Variants in KNDC1 observed in about 807,000 individuals in gnomAD.
KNDC1 encodes kinase non-catalytic C-lobe domain containing 1, also known as kinase non-catalytic C-lobe domain-containing protein 1.
A neutral mutation model predicts 172.8 loss-of-function variants in KNDC1; 106 were observed. The ratio of observed to expected loss-of-function variants is 0.61; its 90% CI spans 0.52 to 0.72. KNDC1 has a LOEUF of 0.72. Among genes scored for constraint, KNDC1 ranks in the 30% least tolerant of loss-of-function variants. KNDC1 has a pLI of 0.00. For synonymous variants in KNDC1, 1,083 were observed against 1,062.2 expected (o/e 1.02, Z -0.38); for missense variants, 2,325 against 2,394.5 (o/e 0.97, Z 0.61).
In KNDC1 at chr10:133,198,976, A is replaced by G; in HGVS notation, c.2468A>G (p.His823Arg). 6.5e-7 allele frequency: 1 copy of G among 1,546,818 alleles called. No homozygotes were observed. ...PDALGPTTAHHGPRHPPKPPR... is the reference protein window; with the variant it reads ...PDALGPTTAHRGPRHPPKPPR... Reference sequence around the variant, plus strand: ...GCCCTGGGGCCCACCACGGCCCACCACGGCCCACGCCACCCGCCCAAGCCC... The same window carrying G: ...GCCCTGGGGCCCACCACGGCCCACCGCGGCCCACGCCACCCGCCCAAGCCC... Residue 823 changes from histidine (H) to arginine (R), a missense_variant, in exon 14 of 30, where the codon CAC becomes CGC. By Grantham distance (29) the His-to-Arg change is conservative (BLOSUM62 0). Coordinates refer to ENST00000304613, the MANE Select transcript of KNDC1 (RefSeq NM_152643.8).
chr10:133,176,665 C>T (rs962299736), intron 3 of KNDC1, among the ~76,000 whole-genome samples: 2 of 152,344 alleles, frequency 1.3e-5, no homozygotes, highest in South Asian at 4.1e-4. Context: ...GGAATCCTCC[C>T]TGACCCATAG....
rs1321390020 is a variant in KNDC1, at chr10:133,225,232, C to T, written c.*342C>T. ...ACACAGATAAGTGGCTCTTACCCAG[C>T]TCTCAGTGACTCCCCCACAAAACAG... On this transcript the variant is annotated 3_prime_UTR_variant, in exon 30 of 30. Transcript: ENST00000304613. The T allele has an allele frequency of 7.3e-6, 2 of 275,280 alleles. No homozygotes were observed. Among genetic ancestry groups the T allele is most frequent in the Non-Finnish European group, 1.4e-5 (2 of 142,408 alleles). 17.1% of individuals were successfully genotyped at this position (275,280 alleles called of 1,614,324 possible).
At chr10:133,213,939 C>T in intron 25 of KNDC1, 33 bp from the exon 26 acceptor site, 1 of 1,613,620 alleles carries the variant, frequency 6.2e-7, no homozygotes, top group Non-Finnish European at 8.5e-7. Flanking sequence ...TGCACAAGTC[C>T]TGGGGGTGAC....
In KNDC1 at chr10:133,224,597, T is replaced by G. The variant is rs1845682446; in HGVS notation, c.5019-62T>G. On this transcript the variant is annotated intron_variant, in intron 29 of 29. Transcript: ENST00000304613. This position sits in a 1 kb window ranked among gnomAD's most constrained non-coding sequence, Gnocchi z 5.4. ...TTCCTAAGAACGCGGGGGGACTCCC[T>G]CCCCACGGAAGCCGCGCCCCTGCCC... is the stretch of plus-strand genomic sequence containing the variant. 2 of 1,232,032 alleles carry G rather than the reference T, an allele frequency of 1.6e-6. No individual in the cohort carries two copies. Among genetic ancestry groups the G allele is most frequent in the Non-Finnish European group, 2.3e-6 (2 of 859,696 alleles). The allele number at this position is 1,232,032 out of a possible 1,614,324, so 76.3% of individuals were successfully genotyped here.
rs78839569 is a variant in KNDC1 at position 133,221,554 on chromosome 10, C to T, written c.5018+1442C>T. Among the ~76,000 whole-genome samples, 335 of 152,268 alleles carry T rather than the reference C, an allele frequency of 2.2e-3. 1 individual carries two copies. Among genetic ancestry groups the T allele is most frequent in the African/African-American group, 7.8e-3 (322 of 41,542 alleles). On this transcript the variant is annotated intron_variant, in intron 29 of 29. Transcript: ENST00000304613. ...CTCATCGCCTGCCGTTGTCCACACA[C>T]GGTCAGGTGGAGGCTGCCCAGGCCA...
chr10:133,206,804 G>T lies in KNDC1; in HGVS notation c.3481+26G>T, dbSNP rs113823430. On this transcript the variant is annotated intron_variant, in intron 18 of 29. Coordinates refer to ENST00000304613, the MANE Select transcript of KNDC1 (RefSeq NM_152643.8). ...GTAAGGCCCCTGTGGGCACAGGTCC[G>T]AGACCCTGGCTGCAGGCAGCCCGGC... The T allele has an allele frequency of 4.9e-4, 792 of 1,613,646 alleles. 3 individuals carry two copies. The African/African-American group carries it at 7.9e-3, about 16-fold the overall frequency.
At chr10:133,160,693 G>A in intron 1 of KNDC1, 124 bp downstream of exon 1, 2 of 545,242 alleles carry the variant, frequency 3.7e-6, no homozygotes, top group Non-Finnish European at 6.3e-6. Flanking sequence ...ATGGCCGAGG[G>A]GTTCCCACCG....
At chr10:133,179,868 C>T (rs1476957869) in intron 3 of KNDC1, among the ~76,000 whole-genome samples, 2 of 152,224 alleles carry the variant, frequency 1.3e-5, no homozygotes, top group South Asian at 2.1e-4. Flanking sequence ...GGCCTCCCTC[C>T]AGCCTGTTCC....
At position 133,185,215 on chromosome 10, in the gene KNDC1, GTAGGCAGTGTGTGCAGTGTGGAA is replaced by G. The variant is rs1564883402; in HGVS notation, c.626-739_626-717del. Among the ~76,000 whole-genome samples, 592 of 66,308 alleles carry G rather than the reference GTAGGCAGTGTGTGCAGTGTGGAA, an allele frequency of 8.9e-3. 11 individuals are homozygous for G. The highest frequency in any genetic ancestry group is 0.019 in the African/African-American group (546 of 29,456). 43.5% of individuals were successfully genotyped at this position (66,308 alleles called of 152,430 possible). A position where few individuals can be genotyped will look rare whatever the true frequency, so the allele number is the denominator to read the frequency against. ...GAGTAGGCAGTGTGTGCAGTGTGGA[GTAGGCAGTGTGTGCAGTGTGGAA>G]TAGGCAGTGTGTGCAGTGTAGAGTA... On this transcript the variant is annotated intron_variant, in intron 5 of 29. Transcript: ENST00000304613.
At chr10:133,172,501 G>A (rs1025384080) in intron 3 of KNDC1, among the ~76,000 whole-genome samples, 4 of 152,142 alleles carry the variant, frequency 2.6e-5, no homozygotes, top group Non-Finnish European at 5.9e-5. Flanking sequence ...TATTGGAGTG[G>A]ACTGGCGATT....
rs942921662 is a variant in KNDC1 at position 133,209,328 on chromosome 10, G to C, written c.3795-1283G>C. On this transcript the variant is annotated intron_variant, in intron 20 of 29. Transcript: ENST00000304613. The surrounding 1 kb of genome is among the most constrained non-coding windows in gnomAD (Gnocchi z 4.9). The stretch of plus-strand genomic sequence containing the variant: ...TGGGGTACAGTGTGTGTGTGCACGT[G>C]TGTGCTGTGCGGTGTGGGGTATAGT... 6.6e-6 allele frequency among the ~76,000 whole-genome samples: 1 copy of C among 151,492 alleles called. No homozygotes were observed. Among genetic ancestry groups the C allele is most frequent in the Non-Finnish European group, 1.5e-5 (1 of 67,848 alleles).
At chr10:133,181,301 C>G (rs1160502679) in intron 3 of KNDC1, among the ~76,000 whole-genome samples, 1 of 152,230 alleles carries the variant, frequency 6.6e-6, no homozygotes, top group Non-Finnish European at 1.5e-5. Context: ...TCACAGGTCC[C>G]CCAGGGAGGC....
intron 9 of KNDC1, among the ~76,000 whole-genome samples, chr10:133,194,859 C>T (rs1223809108): frequency 6.6e-6 from 1 of 152,230 alleles, no homozygotes; most frequent in East Asian, 1.9e-4. Context: ...ATGTCTGTGG[C>T]CGCTCCCTTG....
chr10:133,215,042 A>C (rs55927172), intron 26 of KNDC1, among the ~76,000 whole-genome samples: 8,565 of 152,260 alleles, frequency 0.056, 274 homozygotes, highest in Middle Eastern at 0.068. Flanking sequence ...ACCTGAGCTC[A>C]GCTGGCGCTT....
chr10:133,224,705 C>G lies in KNDC1; in HGVS notation c.5065C>G (p.Pro1689Ala), dbSNP rs533428319. ...CCAGGTGCACGCGTTCCAGGAGAAC[C>G]CTTACACCTTCAGCCCCGACCCCAA... is the stretch of plus-strand genomic sequence containing the variant. Reference protein sequence around the residue: ...VSQVHAFQENPYTFSPDPKLQ... With the variant: ...VSQVHAFQENAYTFSPDPKLQ... The change falls in exon 30 of 30, where the codon CCT becomes GCT. Residue 1689 changes from proline to alanine, a missense_variant. Pro to Ala is a conservative substitution (Grantham distance 27). Transcript: ENST00000304613. The surrounding 1 kb of genome is among the most constrained non-coding windows in gnomAD (Gnocchi z 5.4). 9 of 1,614,086 alleles carry G rather than the reference C, an allele frequency of 5.6e-6. No homozygotes were observed. The highest frequency in any genetic ancestry group is 7.6e-6 in the Non-Finnish European group (9 of 1,180,026).
Position 133,185,958 on chromosome 10 carries a change from T to A in KNDC1, c.626-16T>A. On this transcript the variant is annotated splice_polypyrimidine_tract_variant and intron_variant, in intron 5 of 29. Transcript: ENST00000304613. ...GGAGGGGCACCCAGCCGTGACCACA[T>A]CTTGCTTGTGCCCAGATGTCAGCGA... 1.6e-6 allele frequency: 2 copies of A among 1,226,912 alleles called. No individual in the cohort carries two copies. Among genetic ancestry groups the A allele is most frequent in the Non-Finnish European group, 2.1e-6 (2 of 953,448 alleles). The allele number at this position is 1,226,912 out of a possible 1,614,324, so 76.0% of individuals were successfully genotyped here. A position where few individuals can be genotyped will look rare whatever the true frequency, so the allele number is the denominator to read the frequency against.
In KNDC1 at chr10:133,224,943, G is replaced by T; in HGVS notation, c.*53G>T. 4 of 1,449,870 alleles carry T rather than the reference G, an allele frequency of 2.8e-6. No individual in the cohort carries two copies. The highest frequency in any genetic ancestry group is 3.8e-6 in the Non-Finnish European group (4 of 1,042,112). The allele number at this position is 1,449,870 out of a possible 1,614,324, so 89.8% of individuals were successfully genotyped here. On this transcript the variant is annotated 3_prime_UTR_variant, in exon 30 of 30. Coordinates refer to ENST00000304613, the MANE Select transcript of KNDC1 (RefSeq NM_152643.8). The surrounding 1 kb of genome is among the most constrained non-coding windows in gnomAD (Gnocchi z 5.4). The stretch of plus-strand genomic sequence containing the variant: ...AGATCCGAATCCGACTGTGGGGGGC[G>T]GGCTGGGAGGTGGGAGCCGCGTCTC...
chr10:133,183,149 G>A (rs956766038), intron 3 of KNDC1, among the ~76,000 whole-genome samples, 195 bp from the exon 4 acceptor site: 1 of 149,864 alleles, frequency 6.7e-6, no homozygotes, highest in Non-Finnish European at 1.5e-5. Context: ...GAGCAGCGTG[G>A]GCGCGGGCGG....
intron 3 of KNDC1, among the ~76,000 whole-genome samples, chr10:133,172,768 G>A (rs897119766): frequency 2.0e-5 from 3 of 152,170 alleles, no homozygotes; most frequent in Non-Finnish European, 2.9e-5. Context: ...TGGGGAGGCC[G>A]AGTCAGGAGG....
Sources: allele counts gnomAD v4.1 joint callset (sites outside exome capture counted in the v4.1 genomes callset), GRCh38; gene constraint gnomAD v4.1.1; non-coding constraint Gnocchi (gnomAD v3.1); transcripts MANE v1.5; gene names NCBI Gene and HGNC (gene_info 2026-07-23, HGNC 2026-07-21).